The following LRBA variants were observed in gnomAD, a reference collection of about 807,000 sequenced individuals.
The protein encoded by LRBA is LPS responsive beige-like anchor protein.
LRBA carries 176 observed loss-of-function variants against 330.0 expected under a neutral mutation model. That is an observed-to-expected ratio of 0.53 (90% CI 0.47 to 0.60). The LOEUF (loss-of-function observed/expected upper bound fraction) is 0.60, where lower values mean the gene tolerates loss of function less well. Ranked by LOEUF, LRBA falls within the 20% of genes least tolerant of loss-of-function variation. The pLI is 0.00. For synonymous variants in LRBA, 1,230 were observed against 1,193.0 expected, an observed-to-expected ratio of 1.03 and a Z score of -0.64; for missense variants, 3,259 against 3,444.8, an observed-to-expected ratio of 0.95 and a Z score of 1.35.
At chr4:150,361,895 C>T (rs1222763773) in intron 47 of LRBA, among the ~76,000 whole-genome samples, 1 of 152,010 alleles carries the variant, frequency 6.6e-6, no homozygotes, top group Non-Finnish European at 1.5e-5. Context: ...CCTCAGTTTC[C>T]TGAGTAGCTG....
chr4:150,911,089 G>T (rs530423011), intron 9 of LRBA, among the ~76,000 whole-genome samples: 1 of 152,274 alleles, frequency 6.6e-6, no homozygotes, highest in Non-Finnish European at 1.5e-5. Flanking sequence ...ACAGTTTTCA[G>T]TGAAATCTTT....
At chr4:150,318,154 CT>C (rs1731971875) in intron 50 of LRBA, among the ~76,000 whole-genome samples, 1 of 152,088 alleles carries the variant, frequency 6.6e-6, no homozygotes, top group Admixed American at 6.6e-5. Flanking sequence ...CCTCTCCCCT[CT>C]TTCATTAGAG....
intron 54 of LRBA, among the ~76,000 whole-genome samples, chr4:150,285,661 C>G (rs1748049516): frequency 6.6e-6 from 1 of 152,226 alleles, no homozygotes; most frequent in South Asian, 2.1e-4. Flanking sequence ...ACAGAACTTT[C>G]TACAATGATG....
At chr4:150,945,223 A>G (rs1223711170) in intron 2 of LRBA, among the ~76,000 whole-genome samples, 1 of 152,224 alleles carries the variant, frequency 6.6e-6, no homozygotes, top group African/African-American at 2.4e-5. Flanking sequence ...CTATATAAAT[A>G]TCTTCTATAA....
chr4:150,794,714 A>C (rs1740493259), intron 34 of LRBA, among the ~76,000 whole-genome samples: 1 of 152,166 alleles, frequency 6.6e-6, no homozygotes, highest in East Asian at 1.9e-4. Context: ...TAATCAGCCT[A>C]AAATAGTATT....
chr4:150,424,764 A>G (rs1260989546), intron 46 of LRBA, among the ~76,000 whole-genome samples: 1 of 152,264 alleles, frequency 6.6e-6, no homozygotes, highest in African/African-American at 2.4e-5. Context: ...AAGAACATGC[A>G]AACACCACAC....
At chr4:150,803,306 T>C (rs1742019414) in intron 33 of LRBA, among the ~76,000 whole-genome samples, 1 of 151,846 alleles carries the variant, frequency 6.6e-6, no homozygotes, top group Non-Finnish European at 1.5e-5. Context: ...ACATCTAAGA[T>C]AGTTTTAAAT....
At chr4:150,309,947 T>C (rs1309807056) in intron 52 of LRBA, among the ~76,000 whole-genome samples, 2 of 152,176 alleles carry the variant, frequency 1.3e-5, no homozygotes, top group Non-Finnish European at 2.9e-5. Flanking sequence ...GGTATTTACA[T>C]ACCAGGATTT....
intron 37 of LRBA, among the ~76,000 whole-genome samples, chr4:150,648,872 C>G (rs1432397624): frequency 1.3e-5 from 2 of 152,020 alleles, no homozygotes; most frequent in Admixed American, 6.6e-5. Flanking sequence ...TCCACATAAT[C>G]AAATTTCTTA....
intron 32 of LRBA, among the ~76,000 whole-genome samples, chr4:150,807,771 G>A (rs1414287809): frequency 1.1e-4 from 17 of 151,882 alleles, no homozygotes; most frequent in African/African-American, 3.4e-4. Flanking sequence ...TCAGCATCCC[G>A]AGTAGCTGGG....
intron 37 of LRBA, among the ~76,000 whole-genome samples, chr4:150,668,756 C>T (rs1781789479): frequency 6.6e-6 from 1 of 151,932 alleles, no homozygotes; most frequent in African/African-American, 2.4e-5. Flanking sequence ...TAACAAGTAC[C>T]ATAACATGGG....
chr4:150,957,768 G>C (rs1342847319), intron 2 of LRBA, among the ~76,000 whole-genome samples: 2 of 149,014 alleles, frequency 1.3e-5, no homozygotes, highest in East Asian at 3.9e-4. Flanking sequence ...TTCCAAATAG[G>C]AGAAATTGGC....
rs145268829 is a variant in LRBA at position 150,509,324 on chromosome 4, G to A, written c.6331-18289C>T. 1.5e-3 allele frequency among the ~76,000 whole-genome samples: 232 copies of A among 151,742 alleles called. 2 individuals are homozygous for A. The highest frequency in any genetic ancestry group is 5.3e-3 in the African/African-American group (221 of 41,420). On this transcript the variant is annotated intron_variant, in intron 40 of 56. Coordinates refer to ENST00000651943, the MANE Select transcript of LRBA (RefSeq NM_001364905.1). Reference sequence around the variant, plus strand: ...TAACCTATGAGTAAGAGAAAAAAACGAAAAGGAAATTAGCAAGTATTTAAA... The same window carrying A: ...TAACCTATGAGTAAGAGAAAAAAACAAAAAGGAAATTAGCAAGTATTTAAA...
intron 26 of LRBA, among the ~76,000 whole-genome samples, chr4:150,845,138 G>T (rs751254367): frequency 2.0e-5 from 3 of 152,146 alleles, no homozygotes; most frequent in Non-Finnish European, 4.4e-5. Context: ...GGGAAGAAAA[G>T]AATTGAAAGA....
intron 31 of LRBA, among the ~76,000 whole-genome samples, chr4:150,815,499 G>A (rs1049224445): frequency 1.3e-5 from 2 of 151,824 alleles, no homozygotes; most frequent in African/African-American, 4.8e-5. Context: ...AGAATTCTCT[G>A]TACTTCAAAC....
chr4:150,806,205 T>C (rs148653304), intron 33 of LRBA, 66 bp downstream of exon 33: 112 of 1,203,906 alleles, frequency 9.3e-5, no homozygotes, highest in Middle Eastern at 4.9e-4. Flanking sequence ...GTTATTTCAT[T>C]ATCCATGTAA....
intron 31 of LRBA, among the ~76,000 whole-genome samples, chr4:150,809,597 G>A (rs957117283): frequency 1.3e-5 from 2 of 152,196 alleles, no homozygotes; most frequent in Non-Finnish European, 2.9e-5. Context: ...GCTCACGCCA[G>A]TAATCCCAAC....
At chr4:150,389,481 C>CAA (rs1743569947) in intron 47 of LRBA, among the ~76,000 whole-genome samples, 1 of 151,776 alleles carries the variant, frequency 6.6e-6, no homozygotes, top group Non-Finnish European at 1.5e-5. Context: ...CTGAGGTGGG[C>CAA]AGATTGCTTG....
intron 44 of LRBA, among the ~76,000 whole-genome samples, chr4:150,464,567 T>G (rs950759841): frequency 9.9e-5 from 15 of 152,088 alleles, no homozygotes; most frequent in Non-Finnish European, 1.9e-4. Context: ...CAATTTTTTT[T>G]AAACCAACCA....
Sources: gnomAD v4.1 joint callset for allele counts (sites outside exome capture counted in the v4.1 genomes callset) on GRCh38, gnomAD v4.1.1 for gene constraint, MANE v1.5 for transcripts, NCBI Gene and HGNC (gene_info 2026-07-23, HGNC 2026-07-21) for gene names.